CPED1: variants seen among roughly 807,000 people sequenced by gnomAD.
CPED1 encodes cadherin like and PC-esterase domain containing 1.
A neutral mutation model predicts 128.2 loss-of-function variants in CPED1; 114 were observed. The ratio of observed to expected loss-of-function variants is 0.89; its 90% CI spans 0.76 to 1.04. The LOEUF is 1.04. Ranked by LOEUF, CPED1 falls within the 50% of genes least tolerant of loss-of-function variation. CPED1 has a pLI of 0.00. For synonymous variants in CPED1, 462 were observed against 426.7 expected (o/e 1.08, Z -1.02); for missense variants, 1,211 against 1,207.1 (o/e 1.00, Z -0.05).
intron 4 of CPED1, chr7:121,052,152 T>C (rs908779884): frequency 6.6e-6 from 1 of 152,318 alleles, no homozygotes; most frequent in African/African-American, 2.4e-5. Flanking sequence ...GCTCCTGTGA[T>C]AGTTATGTTC....
chr7:121,153,642 C>T (rs1328376626), intron 16 of CPED1, among the ~76,000 whole-genome samples: 8 of 152,268 alleles, frequency 5.3e-5, no homozygotes, highest in South Asian at 4.1e-4. Context: ...TAGCAGAAAC[C>T]ATTTTTGAAC....
chr7:121,047,952 C>T (rs968504934), intron 4 of CPED1, among the ~76,000 whole-genome samples: 1 of 151,992 alleles, frequency 6.6e-6, no homozygotes, highest in Non-Finnish European at 1.5e-5. Context: ...GCGATCCGCC[C>T]GCTTCGGCCT....
chr7:121,054,256 G>A (rs1350119570), intron 4 of CPED1, among the ~76,000 whole-genome samples: 3 of 152,144 alleles, frequency 2.0e-5, no homozygotes, highest in Non-Finnish European at 4.4e-5. Context: ...TTAAAAAGCT[G>A]ATTCTTACCA....
intron 4 of CPED1, among the ~76,000 whole-genome samples, chr7:121,063,379 C>CT (rs1280392678): frequency 0.013 from 43 of 3,364 alleles, 1 homozygote; most frequent in African/African-American, 0.025. Context: ...AATGAAGAAA[C>CT]TGAAAAAAAA....
intron 16 of CPED1, among the ~76,000 whole-genome samples, chr7:121,164,797 G>A (rs1796487573): frequency 6.6e-6 from 1 of 152,108 alleles, no homozygotes; most frequent in African/African-American, 2.4e-5. Flanking sequence ...AAAATACCCT[G>A]TCTTTGTGTG....
intron 4 of CPED1, among the ~76,000 whole-genome samples, chr7:121,050,052 A>G (rs1030578060): frequency 6.6e-6 from 1 of 152,228 alleles, no homozygotes; most frequent in Non-Finnish European, 1.5e-5. Context: ...ACTCAGCACC[A>G]CTATCACCTC....
At chr7:121,178,675 G>A (rs969851615) in intron 16 of CPED1, among the ~76,000 whole-genome samples, 2 of 152,104 alleles carry the variant, frequency 1.3e-5, no homozygotes, top group Non-Finnish European at 2.9e-5. Context: ...AGTCAATCAT[G>A]ATGGAAGCAT....
At chr7:121,285,817 A>T (rs1359943853) in intron 22 of CPED1, among the ~76,000 whole-genome samples, 5 of 152,150 alleles carry the variant, frequency 3.3e-5, no homozygotes, top group African/African-American at 1.2e-4. Context: ...GAAGTTCCAA[A>T]CATTTTCCTG....
chr7:121,141,269 T>C (rs1399834306), intron 15 of CPED1, among the ~76,000 whole-genome samples: 3 of 152,062 alleles, frequency 2.0e-5, no homozygotes, highest in Non-Finnish European at 2.9e-5. Context: ...ATTTTACTTA[T>C]TGTTGTCTTC....
Position 121,279,535 on chromosome 7 carries a change from A to C in CPED1, c.2868+8105A>C, listed in dbSNP as rs1397082424. ...GAATTCATTCTATGAAGTTTGACTT[A>C]GCAGGCAAAATAAGGTACAACTGAA... On this transcript the variant is annotated intron_variant, in intron 22 of 22. Coordinates refer to ENST00000310396, the MANE Select transcript of CPED1 (RefSeq NM_024913.5). Among the ~76,000 whole-genome samples the C allele has an allele frequency of 8.5e-5, 13 of 152,050 alleles. No homozygotes were observed. In the East Asian group the frequency reaches 2.5e-3, roughly 29 times the overall value.
rs890958337 is a variant in CPED1, at chr7:121,055,333, C to T, written c.540+8340C>T. On this transcript the variant is annotated intron_variant, in intron 4 of 22. Coordinates refer to ENST00000310396, the MANE Select transcript of CPED1 (RefSeq NM_024913.5). Reference sequence around the variant, plus strand: ...ACGTTTCTATAAATGTGGCAAGTTGCAGTTCCTTTTATTTAAAAAATAGAG... The same window carrying T: ...ACGTTTCTATAAATGTGGCAAGTTGTAGTTCCTTTTATTTAAAAAATAGAG... Among the ~76,000 whole-genome samples the T allele has an allele frequency of 6.6e-5, 10 of 152,130 alleles. No homozygotes were observed. The South Asian group carries it at 1.9e-3, about 28-fold the overall frequency.
chr7:121,029,916 G>C (rs937379127), intron 3 of CPED1, among the ~76,000 whole-genome samples: 3 of 151,956 alleles, frequency 2.0e-5, no homozygotes, highest in African/African-American at 7.3e-5. Flanking sequence ...GCATTTTATA[G>C]TGCTTTGAAA....
chr7:121,052,515 G>A (rs1393763559), intron 4 of CPED1, among the ~76,000 whole-genome samples: 1 of 152,194 alleles, frequency 6.6e-6, no homozygotes, highest in South Asian at 2.1e-4. Flanking sequence ...GAAGGCATTA[G>A]ACACCGGACA....
intron 18 of CPED1, chr7:121,261,797 T>C: frequency 6.9e-7 from 1 of 1,455,350 alleles, no homozygotes; most frequent in Non-Finnish European, 9.3e-7. Flanking sequence ...GGGTTTGACC[T>C]ATTCCAAGTT....
At chr7:121,132,500 A>G (rs939476993) in intron 12 of CPED1, among the ~76,000 whole-genome samples, 4 of 152,092 alleles carry the variant, frequency 2.6e-5, no homozygotes, top group African/African-American at 9.7e-5. Flanking sequence ...TGAGAAAGTC[A>G]GGAAAGCTTG....
At chr7:121,227,363 C>G (rs763645361) in intron 16 of CPED1, among the ~76,000 whole-genome samples, 1 of 152,002 alleles carries the variant, frequency 6.6e-6, no homozygotes, top group African/African-American at 2.4e-5. Flanking sequence ...GTGCTAGAAA[C>G]AGAAAGATTG....
intron 22 of CPED1, among the ~76,000 whole-genome samples, chr7:121,289,631 A>C (rs1792651211): frequency 6.6e-6 from 1 of 152,172 alleles, no homozygotes; most frequent in Admixed American, 6.5e-5. Flanking sequence ...TATGAGATGA[A>C]AAAATATGTA....
At chr7:121,169,652 T>C (rs1796606881) in intron 16 of CPED1, among the ~76,000 whole-genome samples, 1 of 152,202 alleles carries the variant, frequency 6.6e-6, no homozygotes, top group Admixed American at 6.5e-5. Flanking sequence ...CAGTGCCTGA[T>C]GTAATAAACA....
chr7:121,154,695 G>A (rs1043897946), intron 16 of CPED1, among the ~76,000 whole-genome samples: 4 of 151,870 alleles, frequency 2.6e-5, no homozygotes, highest in African/African-American at 7.3e-5. Flanking sequence ...ATAGGCATGC[G>A]CCAGCACGCC....
Sources: allele counts gnomAD v4.1 joint callset (sites outside exome capture counted in the v4.1 genomes callset), GRCh38; gene constraint gnomAD v4.1.1; transcripts MANE v1.5; gene names NCBI Gene and HGNC (gene_info 2026-07-23, HGNC 2026-07-21).